FAM200B: variants seen among roughly 807,000 people sequenced by gnomAD.
FAM200B encodes the protein protein FAM200B.
In FAM200B, 32 loss-of-function variants were observed where a neutral mutation model predicts 33.1. The ratio of observed to expected loss-of-function variants is 0.97; its 90% CI spans 0.73 to 1.30. FAM200B has a LOEUF of 1.30. Ranked by LOEUF, FAM200B falls within the 50% of genes most tolerant of loss-of-function variation. The probability of loss-of-function intolerance (pLI) is 0.00; values close to 1 mark genes in which losing one functional copy is unlikely to be tolerated. For synonymous variants in FAM200B, 240 were observed against 264.8 expected (o/e 0.91, Z 0.91); for missense variants, 741 against 754.0 (o/e 0.98, Z 0.20).
the FAM200B span, among the ~76,000 whole-genome samples, chr4:15,669,159 G>A: frequency 6.6e-6 from 1 of 152,106 alleles, no homozygotes; most frequent in Non-Finnish European, 1.5e-5. Flanking sequence ...CTGTCACTAG[G>A]CCATTGTCAC....
Position 15,689,892 on chromosome 4 carries a change from G to C in FAM200B, c.*941G>C, listed in dbSNP as rs1719241565. On this transcript the variant is annotated 3_prime_UTR_variant, in exon 2 of 2. Coordinates refer to ENST00000422728, the MANE Select transcript of FAM200B (RefSeq NM_001145191.2). ...GTAGTATATAATTTGTAATAATTTT[G>C]ATTACTGATTGTCATTCTGCCACCC... is the stretch of plus-strand genomic sequence containing the variant. 6.0e-6 allele frequency: 1 copy of C among 166,888 alleles called. No individual in the cohort carries two copies. Among genetic ancestry groups the C allele is most frequent in the Admixed American group, 6.5e-5 (1 of 15,270 alleles). The allele number at this position is 166,888 out of a possible 1,614,324, so 10.3% of individuals were successfully genotyped here.
chr4:15,677,895 G>A (rs561139338), upstream of FAM200B, among the ~76,000 whole-genome samples: 1 of 151,652 alleles, frequency 6.6e-6, no homozygotes, highest in African/African-American at 2.4e-5. Flanking sequence ...ACTTGTGGCT[G>A]GCATCTGAAA....
At chr4:15,642,475 A>C in the FAM200B span, among the ~76,000 whole-genome samples, 1 of 152,048 alleles carries the variant, frequency 6.6e-6, no homozygotes. Context: ...ACCTCAAGTG[A>C]TCTGCCCGCC....
Position 15,689,001 on chromosome 4 carries a change from T to C in FAM200B, c.*50T>C. 1 of 1,311,488 alleles carries C rather than the reference T, an allele frequency of 7.6e-7. No homozygotes were observed. The highest frequency in any genetic ancestry group is 2.7e-5 in the East Asian group (1 of 37,474). The allele number at this position is 1,311,488 out of a possible 1,614,324, so 81.2% of individuals were successfully genotyped here. ...TGTCTTTGTATTTCTTATTTTGTAG[T>C]ATTTTTCTATGTTATATTTAAATGG... On this transcript the variant is annotated 3_prime_UTR_variant, in exon 2 of 2. Transcript: ENST00000422728.
In FAM200B at chr4:15,689,591, T is replaced by A. The variant is rs1719215444; in HGVS notation, c.*640T>A. ...GAGTTCAAGACCATCCTGGGCAACA[T>A]AGTGAGACCTTATTTCTACTAAAAA... On this transcript the variant is annotated 3_prime_UTR_variant, in exon 2 of 2. Transcript: ENST00000422728. 1 of 165,760 alleles carries A rather than the reference T, an allele frequency of 6.0e-6. No homozygotes were observed. Among genetic ancestry groups the A allele is most frequent in the Non-Finnish European group, 1.5e-5 (1 of 68,124 alleles). 10.3% of individuals were successfully genotyped at this position (165,760 alleles called of 1,614,324 possible).
chr4:15,669,414 CATT>C, the FAM200B span, among the ~76,000 whole-genome samples: 1 of 152,214 alleles, frequency 6.6e-6, no homozygotes, highest in African/African-American at 2.4e-5. Context: ...AACAGAATGT[CATT>C]ATATATCAAA....
the FAM200B span, among the ~76,000 whole-genome samples, chr4:15,660,309 C>T: frequency 2.0e-3 from 297 of 152,192 alleles, 5 homozygotes; most frequent in Non-Finnish European, 8.8e-4. Flanking sequence ...TCTTGAACTC[C>T]TAGCTTCAAG....
At position 15,687,427 on chromosome 4, in the gene FAM200B, A is replaced by G. The variant is rs1250396402; in HGVS notation, c.450A>G (p.Ser150=). 5 of 1,550,510 alleles carry G rather than the reference A, an allele frequency of 3.2e-6. No homozygotes were observed. The highest frequency in any genetic ancestry group is 4.4e-6 in the Non-Finnish European group (5 of 1,146,316). ...TTAGTGAGAAAGCCTTATTATCATC[A>G]TATTTAGTTGCATATCGTGTGGCAA... ...TAVSEKALLS[S]YLVAYRVAKE... is the part of the protein sequence containing the mutation. Residue 150 remains serine, a synonymous_variant, in exon 2 of 2, where the codon TCA becomes TCG. Coordinates refer to ENST00000422728, the MANE Select transcript of FAM200B (RefSeq NM_001145191.2).
At chr4:15,664,714 C>G in the FAM200B span, among the ~76,000 whole-genome samples, 8 of 151,810 alleles carry the variant, frequency 5.3e-5, no homozygotes, top group Non-Finnish European at 8.8e-5. Context: ...CCTGATACCA[C>G]GCCCGGCTAA....
chr4:15,656,209 G>A, the FAM200B span: 1 of 456,258 alleles, frequency 2.2e-6, no homozygotes, highest in South Asian at 1.5e-5. Context: ...GAGGTTCGGA[G>A]AGAAAACAAG....
At chr4:15,683,082 T>C (rs1718485970) in intron 1 of FAM200B, among the ~76,000 whole-genome samples, 1 of 152,154 alleles carries the variant, frequency 6.6e-6, no homozygotes, top group African/African-American at 2.4e-5. Context: ...TATAAAAGAT[T>C]AGTGACGGGG....
At chr4:15,638,193 G>T in the FAM200B span, among the ~76,000 whole-genome samples, 1 of 152,166 alleles carries the variant, frequency 6.6e-6, no homozygotes, top group Non-Finnish European at 1.5e-5. Context: ...CAACAATTTT[G>T]ACTGATCGAT....
At chr4:15,655,735 T>A in the FAM200B span, among the ~76,000 whole-genome samples, 1 of 152,194 alleles carries the variant, frequency 6.6e-6, no homozygotes, top group Non-Finnish European at 1.5e-5. Context: ...GCTCTGCTTG[T>A]GCCCACGCCC....
upstream of FAM200B, among the ~76,000 whole-genome samples, chr4:15,680,848 AT>A (rs1560257125): frequency 1.3e-5 from 2 of 150,922 alleles, no homozygotes; most frequent in Non-Finnish European, 3.0e-5. Flanking sequence ...TTAAGGTAGA[AT>A]TTAAAAAAAA....
At chr4:15,661,429 G>C in the FAM200B span, among the ~76,000 whole-genome samples, 1 of 152,162 alleles carries the variant, frequency 6.6e-6, no homozygotes, top group Non-Finnish European at 1.5e-5. Flanking sequence ...CTAAATGTTA[G>C]CTATTTTACC....
At chr4:15,641,521 T>C in the FAM200B span, 1 of 401,660 alleles carries the variant, frequency 2.5e-6, no homozygotes, top group Non-Finnish European at 4.8e-6. Context: ...TTCTCTAGCT[T>C]ACCTTACTGT....
chr4:15,673,308 AC>A, the FAM200B span, among the ~76,000 whole-genome samples: 2 of 151,914 alleles, frequency 1.3e-5, no homozygotes, highest in Admixed American at 6.6e-5. Context: ...GGGTGTGTTG[AC>A]CCGTGCCTGT....
the FAM200B span, chr4:15,640,882 T>C: frequency 1.5e-5 from 21 of 1,440,224 alleles, no homozygotes; most frequent in Non-Finnish European, 1.9e-5. Context: ...TTCATATTCA[T>C]TCTGGAAACC....
chr4:15,680,055 G>A (rs1472999816), upstream of FAM200B, among the ~76,000 whole-genome samples: 1 of 151,368 alleles, frequency 6.6e-6, no homozygotes, highest in Non-Finnish European at 1.5e-5. Flanking sequence ...GTATGTGACA[G>A]GAAAAAATAA....
Sources: gnomAD v4.1 joint callset for allele counts (sites outside exome capture counted in the v4.1 genomes callset) on GRCh38, gnomAD v4.1.1 for gene constraint, MANE v1.5 for transcripts, NCBI Gene and HGNC (gene_info 2026-07-23, HGNC 2026-07-21) for gene names.